CDKAL1: variants seen among roughly 807,000 people sequenced by gnomAD.
CDKAL1 encodes the protein CDKAL1 threonylcarbamoyladenosine tRNA methylthiotransferase, also known as threonylcarbamoyladenosine tRNA methylthiotransferase.
Under a neutral mutation model 68.2 loss-of-function variants are expected in CDKAL1, and 32 were observed. The observed-to-expected ratio is 0.47, with a 90% confidence interval of 0.35 to 0.63. The LOEUF (loss-of-function observed/expected upper bound fraction) is 0.63. Among genes scored for constraint, CDKAL1 ranks in the 30% least tolerant of loss-of-function variants. The pLI is 0.00. For missense variants in CDKAL1, 606 were observed against 696.7 expected (o/e 0.87, Z 1.47); for synonymous variants, 234 against 244.3 (o/e 0.96, Z 0.39).
chr6:20,615,856 A>G (rs1766870845), intron 4 of CDKAL1, among the ~76,000 whole-genome samples: 4 of 129,240 alleles, frequency 3.1e-5, no homozygotes, highest in Admixed American at 1.7e-4. Flanking sequence ...GTCCTTGCCC[A>G]TGCCTATGTC....
chr6:20,623,981 A>G (rs934709908), intron 4 of CDKAL1, among the ~76,000 whole-genome samples: 5 of 152,130 alleles, frequency 3.3e-5, no homozygotes, highest in African/African-American at 1.2e-4. Flanking sequence ...TGCTCAATAA[A>G]TGATAGCTAT....
At chr6:21,171,082 A>T (rs1429386221) in intron 13 of CDKAL1, among the ~76,000 whole-genome samples, 2 of 152,234 alleles carry the variant, frequency 1.3e-5, no homozygotes, top group African/African-American at 4.8e-5. Context: ...AAAGAGAAGA[A>T]ACAATAAAAA....
chr6:20,727,078 C>G lies in CDKAL1; in HGVS notation c.372-12441C>G, dbSNP rs115556061. Among the ~76,000 whole-genome samples, 166 of 152,194 alleles carry G rather than the reference C, an allele frequency of 1.1e-3. 1 individual carries two copies. The highest frequency in any genetic ancestry group is 1.9e-3 in the Non-Finnish European group (132 of 68,008). On this transcript the variant is annotated intron_variant, in intron 5 of 15. Coordinates refer to ENST00000274695, the MANE Select transcript of CDKAL1 (RefSeq NM_017774.3). ...AGTTCTGAAAATTTGCCTGATAGCT[C>G]CTATTGTTAAGGAGTTAAACAAGAG...
chr6:20,614,597 A>C (rs772226940), intron 4 of CDKAL1, among the ~76,000 whole-genome samples: 2 of 152,174 alleles, frequency 1.3e-5, no homozygotes, highest in Non-Finnish European at 2.9e-5. Flanking sequence ...AGTAGAGGGA[A>C]TAGCTCAGCA....
chr6:20,545,999 A>T (rs141387569), intron 2 of CDKAL1, among the ~76,000 whole-genome samples: 1 of 152,364 alleles, frequency 6.6e-6, no homozygotes, highest in Non-Finnish European at 1.5e-5. Flanking sequence ...AATCAAGAAC[A>T]TGAACTGCAT....
intron 12 of CDKAL1, among the ~76,000 whole-genome samples, chr6:21,069,804 T>TTTTTTTAAA (rs60342057): frequency 2.3e-5 from 2 of 85,472 alleles, no homozygotes; most frequent in African/African-American, 8.2e-5. Flanking sequence ...TTTTTTTTTT[T>TTTTTTTAAA]AAAACAGAGC....
rs185458992 is a variant in CDKAL1 at position 20,892,815 on chromosome 6, G to A, written c.742+46637G>A. Among the ~76,000 whole-genome samples the A allele has an allele frequency of 8.5e-4, 129 of 152,240 alleles. 1 individual carries two copies. The highest frequency in any genetic ancestry group is 7.4e-5 in the Non-Finnish European group (5 of 68,008). ...TTTTCCTAGATAAGCCAACCTTTTTGGAAGCAGTTGCCTTAAGCATCTGTC... is the reference window on the plus strand; with the variant it reads ...TTTTCCTAGATAAGCCAACCTTTTTAGAAGCAGTTGCCTTAAGCATCTGTC... On this transcript the variant is annotated intron_variant, in intron 9 of 15. Transcript: ENST00000274695.
intron 7 of CDKAL1, among the ~76,000 whole-genome samples, chr6:20,779,553 C>A (rs1397056189): frequency 1.3e-5 from 2 of 152,208 alleles, no homozygotes; most frequent in Non-Finnish European, 2.9e-5. Flanking sequence ...CATTGACATC[C>A]TGTGTTCTAA....
chr6:20,866,458 C>G (rs1255931146), intron 9 of CDKAL1, among the ~76,000 whole-genome samples: 2 of 152,130 alleles, frequency 1.3e-5, no homozygotes, highest in East Asian at 3.8e-4. Flanking sequence ...AAAACTGTTT[C>G]AGACACAAAA....
chr6:20,594,714 C>T (rs186687943), intron 4 of CDKAL1, among the ~76,000 whole-genome samples: 1 of 152,096 alleles, frequency 6.6e-6, no homozygotes, highest in East Asian at 1.9e-4. Context: ...GAATTTGATC[C>T]TGTCATTATG....
intron 13 of CDKAL1, among the ~76,000 whole-genome samples, chr6:21,118,987 T>TA (rs113022897): frequency 0.021 from 3,239 of 152,240 alleles, 133 homozygotes; most frequent in African/African-American, 0.073. Flanking sequence ...TAAAGCTGCT[T>TA]TTTTTATCTT....
chr6:20,775,588 A>G (rs1391892919), intron 7 of CDKAL1, among the ~76,000 whole-genome samples: 1 of 151,238 alleles, frequency 6.6e-6, no homozygotes, highest in African/African-American at 2.4e-5. Context: ...TCACATCTCA[A>G]CTCCTTCAGC....
chr6:20,961,764 C>T (rs1447698108), intron 10 of CDKAL1, among the ~76,000 whole-genome samples: 1 of 145,502 alleles, frequency 6.9e-6, no homozygotes, highest in Non-Finnish European at 1.5e-5. Context: ...AAGACTCCGT[C>T]TCAAAAAAAA....
chr6:20,631,881 T>C (rs1767688640), intron 4 of CDKAL1, among the ~76,000 whole-genome samples: 1 of 152,228 alleles, frequency 6.6e-6, no homozygotes, highest in South Asian at 2.1e-4. Context: ...TGAAAGGACC[T>C]GTTCTGTATA....
intron 5 of CDKAL1, among the ~76,000 whole-genome samples, chr6:20,665,459 T>C (rs55738791): frequency 6.6e-6 from 1 of 152,196 alleles, no homozygotes; most frequent in Non-Finnish European, 1.5e-5. Context: ...ATGAATGCAG[T>C]CTGATATGTG....
chr6:21,021,616 T>A (rs1025552509), intron 11 of CDKAL1, among the ~76,000 whole-genome samples: 1 of 152,204 alleles, frequency 6.6e-6, no homozygotes, highest in Non-Finnish European at 1.5e-5. Context: ...AAGCAGAGGG[T>A]AAATATGTAA....
At chr6:20,902,739 A>T (rs576534645) in intron 9 of CDKAL1, among the ~76,000 whole-genome samples, 1 of 152,232 alleles carries the variant, frequency 6.6e-6, no homozygotes, top group Non-Finnish European at 1.5e-5. Context: ...GATATGGCAT[A>T]CAAAAAGGGA....
At chr6:20,642,882 CAGTG>C (rs1285934995) in intron 4 of CDKAL1, among the ~76,000 whole-genome samples, 2 of 150,994 alleles carry the variant, frequency 1.3e-5, no homozygotes, top group East Asian at 3.9e-4. Context: ...CTGGGCGACA[CAGTG>C]AGACTTTGTC....
At chr6:20,557,706 C>A (rs1464180131) in intron 4 of CDKAL1, among the ~76,000 whole-genome samples, 1 of 152,154 alleles carries the variant, frequency 6.6e-6, no homozygotes, top group Non-Finnish European at 1.5e-5. Context: ...GCAGGAGGAT[C>A]GCCTGAGGTC....
Sources: gnomAD v4.1 joint callset for allele counts (sites outside exome capture counted in the v4.1 genomes callset) on GRCh38, gnomAD v4.1.1 for gene constraint, MANE v1.5 for transcripts, NCBI Gene and HGNC (gene_info 2026-07-23, HGNC 2026-07-21) for gene names.